Variants in COPS3 observed in about 807,000 individuals in gnomAD.
The protein encoded by COPS3 is COP9 signalosome complex subunit 3.
A neutral mutation model predicts 58.2 loss-of-function variants in COPS3; 10 were observed. The ratio of observed to expected loss-of-function variants is 0.17; its 90% CI spans 0.11 to 0.29. The LOEUF is 0.29. COPS3 is among the 10% of genes least tolerant of loss of function. The pLI is 1.00. For synonymous variants in COPS3, 187 were observed against 181.7 expected (o/e 1.03, Z -0.24); for missense variants, 333 against 510.1 (o/e 0.65, Z 3.34).
intron 1 of COPS3, among the ~76,000 whole-genome samples, chr17:17,276,456 C>T (rs1321354235): frequency 2.0e-5 from 3 of 152,084 alleles, no homozygotes; most frequent in African/African-American, 7.2e-5. Context: ...TTACTATTAA[C>T]AGCTCTCTGC....
At chr17:17,269,754 A>G (rs893180224) in intron 4 of COPS3, among the ~76,000 whole-genome samples, 1 of 152,246 alleles carries the variant, frequency 6.6e-6, no homozygotes, top group African/African-American at 2.4e-5. Flanking sequence ...GCTATATAAT[A>G]TATAGTACAC....
At chr17:17,255,380 A>C (rs2458529) in intron 8 of COPS3, among the ~76,000 whole-genome samples, 76,064 of 150,994 alleles carry the variant, frequency 0.5, 19,556 homozygotes, top group East Asian at 0.63. Flanking sequence ...TGGGAGGCTG[A>C]GACAAGAGAA....
At chr17:17,270,123 C>T (rs1420646700) in intron 4 of COPS3, among the ~76,000 whole-genome samples, 1 of 151,800 alleles carries the variant, frequency 6.6e-6, no homozygotes, top group African/African-American at 2.4e-5. Flanking sequence ...CGCCACTGCA[C>T]TCCAGCCTAG....
chr17:17,264,708 C>T, intron 6 of COPS3, 94 bp downstream of exon 6: 1 of 1,010,140 alleles, frequency 9.9e-7, no homozygotes, highest in Non-Finnish European at 1.5e-6. Flanking sequence ...AAACGGAGGC[C>T]CTGGGATCAG....
chr17:17,268,560 C>T (rs1597690583), intron 4 of COPS3, among the ~76,000 whole-genome samples: 1 of 152,162 alleles, frequency 6.6e-6, no homozygotes, highest in East Asian at 1.9e-4. Flanking sequence ...GTGGCTCACA[C>T]CTGTAATCCC....
chr17:17,267,573 G>C (rs1035040291), intron 5 of COPS3, among the ~76,000 whole-genome samples: 3 of 151,224 alleles, frequency 2.0e-5, no homozygotes, highest in African/African-American at 7.3e-5. Flanking sequence ...GGGAGGCAGA[G>C]GTTGCAGTGA....
At chr17:17,255,020 G>A (rs529520178) in intron 8 of COPS3, 75 bp from the exon 9 acceptor site, 9 of 1,033,850 alleles carry the variant, frequency 8.7e-6, no homozygotes, top group African/African-American at 3.2e-5. Context: ...TGTACAGAGC[G>A]GCCAGGCGTG....
intron 6 of COPS3, among the ~76,000 whole-genome samples, chr17:17,263,510 CTTTTT>C (rs34755381): frequency 3.0e-5 from 3 of 98,868 alleles, no homozygotes; most frequent in African/African-American, 1.2e-4. Context: ...CTTGCCTTTT[CTTTTT>C]TTTTTTTTTT....
intron 8 of COPS3, among the ~76,000 whole-genome samples, chr17:17,259,152 G>A (rs1407697422): frequency 6.6e-6 from 1 of 152,130 alleles, no homozygotes. Flanking sequence ...CAAAAAAACA[G>A]CTACCCTATT....
At position 17,257,806 on chromosome 17, in the gene COPS3, AAAAAAG is replaced by A. The variant is rs752357148; in HGVS notation, c.936+2489_936+2494del. ...AGCAAGACTCCGTCTCAAAAAAAAAAAAAAAGAAAAAGAAAAAGAAAAAGAAAAACA... is the reference window on the plus strand; with the variant it reads ...AGCAAGACTCCGTCTCAAAAAAAAAAAAAAAGAAAAAGAAAAAGAAAAACA... On this transcript the variant is annotated intron_variant, in intron 8 of 11. Coordinates refer to ENST00000268717, the MANE Select transcript of COPS3 (RefSeq NM_003653.4). Among the ~76,000 whole-genome samples, 1,085 of 147,856 alleles carry A rather than the reference AAAAAAG, an allele frequency of 7.3e-3. 7 individuals are homozygous for A. The highest frequency in any genetic ancestry group is 0.011 in the Non-Finnish European group (712 of 67,442).
chr17:17,259,301 A>G (rs1169026658), intron 8 of COPS3, among the ~76,000 whole-genome samples: 22 of 152,182 alleles, frequency 1.4e-4, no homozygotes, highest in Admixed American at 1.4e-3. Flanking sequence ...GAAAAAAGCA[A>G]TCCTCTATTT....
chr17:17,280,644 C>T, intron 1 of COPS3: 1 of 1,304,302 alleles, frequency 7.7e-7, no homozygotes, highest in Non-Finnish European at 1.0e-6. Flanking sequence ...CGCCGCCTGG[C>T]AGCGGAGGAG....
Position 17,247,054 on chromosome 17 carries a change from C to A in COPS3, c.*44G>T. On this transcript the variant is annotated 3_prime_UTR_variant, in exon 12 of 12. Transcript: ENST00000268717. ...TGCCCTCCGAACACTTGTCACTGGC[C>A]AAGATGGTAGTTTCTCTTGTTTAGC... 6.4e-7 allele frequency: 1 copy of A among 1,565,550 alleles called. No homozygotes were observed. The highest frequency in any genetic ancestry group is 1.1e-5 in the South Asian group (1 of 90,014).
intron 6 of COPS3, among the ~76,000 whole-genome samples, chr17:17,262,662 G>A (rs1023652471): frequency 6.6e-5 from 10 of 151,986 alleles, no homozygotes; most frequent in Non-Finnish European, 1.0e-4. Context: ...CCCAGGAGGC[G>A]GAGCTTGCAG....
chr17:17,261,896 T>G, intron 7 of COPS3, 70 bp downstream of exon 7: 1 of 1,372,032 alleles, frequency 7.3e-7, no homozygotes, highest in Non-Finnish European at 1.0e-6. Flanking sequence ...GTTACAGAAC[T>G]GTATCATTGC....
At chr17:17,277,592 A>G (rs1264272954) in intron 1 of COPS3, among the ~76,000 whole-genome samples, 6 of 151,572 alleles carry the variant, frequency 4.0e-5, no homozygotes, top group Non-Finnish European at 8.8e-5. Context: ...TTATTTTTTA[A>G]GTTTTTTGCA....
chr17:17,276,112 C>T lies in COPS3; in HGVS notation c.108G>A (p.Ala36=), dbSNP rs1486763670. The change falls in exon 2 of 12, where the codon GCG becomes GCA. Residue 36 remains alanine, a synonymous_variant. Coordinates refer to ENST00000268717, the MANE Select transcript of COPS3 (RefSeq NM_003653.4). Reference sequence around the variant, plus strand: ...CAGTGTCCAGATGGGATAAGTTCTTCGCAAGGAGTTCCCCACTCTTGTTGA... The same window carrying T: ...CAGTGTCCAGATGGGATAAGTTCTTTGCAAGGAGTTCCCCACTCTTGTTGA... ...ELINKSGELL[A]KNLSHLDTVL... 5.6e-6 allele frequency: 9 copies of T among 1,613,992 alleles called. No individual in the cohort carries two copies. Among genetic ancestry groups the T allele is most frequent in the South Asian group, 3.3e-5 (3 of 91,082 alleles).
At chr17:17,277,254 C>T (rs772705922) in intron 1 of COPS3, among the ~76,000 whole-genome samples, 22 of 152,132 alleles carry the variant, frequency 1.4e-4, no homozygotes, top group Admixed American at 6.6e-4. Context: ...CTCTCTGCCT[C>T]GCATGGGACT....
chr17:17,275,220 A>G (rs1456891423), intron 2 of COPS3, among the ~76,000 whole-genome samples: 2 of 150,538 alleles, frequency 1.3e-5, no homozygotes, highest in African/African-American at 4.9e-5. Context: ...CCACCTGAGT[A>G]GCTGGGACTA....
Sources: allele counts gnomAD v4.1 joint callset (sites outside exome capture counted in the v4.1 genomes callset), GRCh38; gene constraint gnomAD v4.1.1; transcripts MANE v1.5; gene names NCBI Gene and HGNC (gene_info 2026-07-23, HGNC 2026-07-21).